KATNBL1: variants seen among roughly 807,000 people sequenced by gnomAD.
The protein encoded by KATNBL1 is KATNB1-like protein 1.
In KATNBL1, 28 loss-of-function variants were observed where a neutral mutation model predicts 44.7. The observed-to-expected ratio is 0.63, with a 90% CI of 0.46 to 0.86. The LOEUF (loss-of-function observed/expected upper bound fraction) is 0.86, where lower values mean the gene tolerates loss of function less well. KATNBL1 is among the 40% of genes least tolerant of loss of function. The pLI is 0.00. For missense variants in KATNBL1, 272 were observed against 350.7 expected (o/e 0.78, Z 1.79); for synonymous variants, 78 against 114.9 (o/e 0.68, Z 2.06).
chr15:34,152,921 C>T lies in KATNBL1; in HGVS notation c.307G>A (p.Glu103Lys). 6.2e-7 allele frequency: 1 copy of T among 1,614,060 alleles called. No homozygotes were observed. ...GGCAGGTGGCCTGCACAAGCCAGTT[C>T]ATTTTCTTTATTTGCCATGTCACAG... ...GGCDMANKEN[E>K]LACAGHLPEK... Residue 103 changes from glutamate to lysine, a missense_variant, in exon 4 of 10, where the codon GAA becomes AAA. By Grantham distance (56) the Glu-to-Lys change is moderately conservative. Around this residue, in one of 3 missense-constraint regions of KATNBL1, gnomAD observed 122 missense variants for 125.0 expected, o/e 0.98. Transcript: ENST00000256544.
intron 1 of KATNBL1, among the ~76,000 whole-genome samples, chr15:34,197,063 C>T (rs958293648): frequency 6.6e-6 from 1 of 152,186 alleles, no homozygotes; most frequent in African/African-American, 2.4e-5. Flanking sequence ...CTGCTCTCTA[C>T]AAAGGTTTTT....
At chr15:34,191,611 T>C (rs1300720425) in intron 1 of KATNBL1, among the ~76,000 whole-genome samples, 3 of 152,116 alleles carry the variant, frequency 2.0e-5, no homozygotes, top group South Asian at 2.1e-4. Context: ...TGAATGGTAG[T>C]GTGGTTATGT....
At chr15:34,176,283 C>T (rs534074769) in intron 1 of KATNBL1, among the ~76,000 whole-genome samples, 1 of 149,424 alleles carries the variant, frequency 6.7e-6, no homozygotes, top group Admixed American at 6.7e-5. Flanking sequence ...GAGGCTGAGG[C>T]AGGATAATTA....
chr15:34,190,209 G>A (rs964767854), intron 1 of KATNBL1, among the ~76,000 whole-genome samples: 15 of 152,184 alleles, frequency 9.9e-5, no homozygotes, highest in African/African-American at 3.6e-4. Flanking sequence ...CTCCCAAAGT[G>A]CTGGGATTAC....
intron 8 of KATNBL1, 90 bp downstream of exon 8, chr15:34,146,671 T>A (rs1888319781): frequency 1.3e-6 from 1 of 765,572 alleles, no homozygotes; most frequent in Admixed American, 1.8e-5. Context: ...CATACACTGA[T>A]GATAATGGGA....
intron 1 of KATNBL1, among the ~76,000 whole-genome samples, chr15:34,178,589 C>T (rs1248385790): frequency 6.6e-6 from 1 of 152,000 alleles, no homozygotes; most frequent in Non-Finnish European, 1.5e-5. Flanking sequence ...AACCCTGTCT[C>T]TACTAAAAAT....
At chr15:34,191,120 TTGCC>T (rs1184028778) in intron 1 of KATNBL1, among the ~76,000 whole-genome samples, 1 of 149,390 alleles carries the variant, frequency 6.7e-6, no homozygotes, top group South Asian at 2.1e-4. Context: ...TCACTATAGT[TTGCC>T]TTTTCAAAAA....
chr15:34,172,796 C>T (rs1172649083), intron 1 of KATNBL1, among the ~76,000 whole-genome samples: 2 of 145,158 alleles, frequency 1.4e-5, no homozygotes, highest in Non-Finnish European at 3.0e-5. Flanking sequence ...CACACACACA[C>T]GCTTCTCTCT....
intron 2 of KATNBL1, among the ~76,000 whole-genome samples, chr15:34,161,594 A>C (rs374003599): frequency 3.3e-5 from 5 of 152,218 alleles, no homozygotes; most frequent in East Asian, 3.8e-4. Context: ...AGGAGTTCTT[A>C]TCCCTAACGC....
intron 1 of KATNBL1, among the ~76,000 whole-genome samples, chr15:34,185,500 T>C (rs576844705): frequency 3.9e-5 from 6 of 152,326 alleles, no homozygotes; most frequent in African/African-American, 9.6e-5. Context: ...GCAATGTAAA[T>C]TGTAAATCAA....
rs772655531 is a variant in KATNBL1, at chr15:34,141,260, C to T, written c.*1079G>A. The T allele has an allele frequency of 7.9e-5, 12 of 152,518 alleles. No individual in the cohort carries two copies. Among genetic ancestry groups the T allele is most frequent in the Admixed American group, 1.3e-4 (2 of 15,266 alleles). 9.4% of individuals were successfully genotyped at this position (152,518 alleles called of 1,614,324 possible). ...TACTAACCATTAGAGGAGGTAGTGA[C>T]ACAAAGTGTTGGAATTTAAAATACA... On this transcript the variant is annotated 3_prime_UTR_variant, in exon 10 of 10. Transcript: ENST00000256544.
intron 4 of KATNBL1, among the ~76,000 whole-genome samples, chr15:34,150,964 T>A (rs968238373): frequency 3.3e-5 from 5 of 152,204 alleles, no homozygotes; most frequent in Non-Finnish European, 7.3e-5. Context: ...CTGCATATAG[T>A]ATTCCATGGT....
At chr15:34,162,637 T>A (rs927680020) in intron 2 of KATNBL1, among the ~76,000 whole-genome samples, 1 of 152,176 alleles carries the variant, frequency 6.6e-6, no homozygotes, top group African/African-American at 2.4e-5. Context: ...AGAGATAGGA[T>A]CTCGCACTGT....
intron 1 of KATNBL1, among the ~76,000 whole-genome samples, chr15:34,175,139 C>T (rs1457359811): frequency 6.6e-6 from 1 of 151,714 alleles, no homozygotes; most frequent in African/African-American, 2.4e-5. Flanking sequence ...CACACACACA[C>T]ACACACACAC....
chr15:34,145,399 T>G lies in KATNBL1; in HGVS notation c.881A>C (p.Lys294Thr). The G allele has an allele frequency of 6.9e-7, 1 of 1,447,962 alleles. No homozygotes were observed. The highest frequency in any genetic ancestry group is 9.1e-7 in the Non-Finnish European group (1 of 1,100,160). The allele number at this position is 1,447,962 out of a possible 1,614,324, so 89.7% of individuals were successfully genotyped here. ...TTTATAAGCTTAAATATAGATTACC[T>G]TAGCTATATTACCAGTATATCCTGG... Reference protein sequence around the residue: ...LVPGYTGNIAKDVDAYLLQLH With the variant: ...LVPGYTGNIATDVDAYLLQLH The change falls in exon 9 of 10, where the codon AAG (lysine) becomes ACG (threonine). Residue 294 changes from lysine to threonine, a missense_variant and splice_region_variant. Lys to Thr is a moderately conservative substitution (Grantham distance 78). Coordinates refer to ENST00000256544, the MANE Select transcript of KATNBL1 (RefSeq NM_024713.3).
intron 1 of KATNBL1, among the ~76,000 whole-genome samples, chr15:34,176,039 C>T (rs866356434): frequency 1.3e-5 from 2 of 152,064 alleles, no homozygotes; most frequent in African/African-American, 2.4e-5. Context: ...AATGAATAAA[C>T]GAAATGTGGT....
intron 1 of KATNBL1, among the ~76,000 whole-genome samples, chr15:34,166,880 A>G (rs535969606): frequency 1.3e-5 from 2 of 152,348 alleles, no homozygotes; most frequent in African/African-American, 4.8e-5. Flanking sequence ...AAACTAACAA[A>G]CAGAAAGGAA....
At chr15:34,185,399 T>C (rs988967578) in intron 1 of KATNBL1, among the ~76,000 whole-genome samples, 1 of 152,232 alleles carries the variant, frequency 6.6e-6, no homozygotes, top group Non-Finnish European at 1.5e-5. Flanking sequence ...AAGATATGAC[T>C]GGGCACTAAC....
chr15:34,162,641 G>C (rs117433398), intron 2 of KATNBL1, among the ~76,000 whole-genome samples: 1 of 152,048 alleles, frequency 6.6e-6, no homozygotes, highest in African/African-American at 2.4e-5. Context: ...ATAGGATCTC[G>C]CACTGTCACC....
Sources: allele counts gnomAD v4.1 joint callset (sites outside exome capture counted in the v4.1 genomes callset), GRCh38; gene constraint gnomAD v4.1.1; regional missense constraint gnomAD v4.1.1; transcripts MANE v1.5; gene names NCBI Gene and HGNC (gene_info 2026-07-23, HGNC 2026-07-21).